The following SCAPER variants were observed in gnomAD, a reference collection of about 807,000 sequenced individuals.
SCAPER encodes S-phase cyclin A associated protein in the ER.
SCAPER carries 98 observed loss-of-function variants against 182.2 expected under a neutral mutation model. That is an observed-to-expected ratio of 0.54 (90% CI 0.46 to 0.64). The LOEUF is 0.64. Ranked by LOEUF, SCAPER falls within the 30% of genes least tolerant of loss-of-function variation. The probability of loss-of-function intolerance (pLI) is 0.00; values close to 1 mark genes in which losing one functional copy is unlikely to be tolerated. For missense variants in SCAPER, 1,432 were observed against 1,690.0 expected (o/e 0.85, Z 2.68); for synonymous variants, 605 against 564.6 (o/e 1.07, Z -1.01).
chr15:76,635,186 G>A (rs1397937658), intron 21 of SCAPER, among the ~76,000 whole-genome samples: 1 of 152,028 alleles, frequency 6.6e-6, no homozygotes, highest in Admixed American at 6.6e-5. Context: ...AAGTCTATAG[G>A]CCAGAACCTA....
chr15:76,647,568 T>C (rs570216028), intron 21 of SCAPER, among the ~76,000 whole-genome samples: 1 of 152,144 alleles, frequency 6.6e-6, no homozygotes, highest in Non-Finnish European at 1.5e-5. Context: ...TAAGAAAAAG[T>C]TGGAATTTGT....
At chr15:76,359,144 C>T (rs2041215050) in intron 29 of SCAPER, among the ~76,000 whole-genome samples, 1 of 152,232 alleles carries the variant, frequency 6.6e-6, no homozygotes, top group South Asian at 2.1e-4. Context: ...TCTTCTCCCG[C>T]TAGACCTGAA....
At chr15:76,682,943 T>C (rs1187031778) in intron 20 of SCAPER, among the ~76,000 whole-genome samples, 1 of 152,118 alleles carries the variant, frequency 6.6e-6, no homozygotes. Context: ...TGAAGGAACA[T>C]CAGCCCACAT....
intron 21 of SCAPER, among the ~76,000 whole-genome samples, chr15:76,652,273 A>AAAAAAT (rs1207156993): frequency 4.7e-4 from 6 of 12,862 alleles, no homozygotes; most frequent in Admixed American, 1.5e-3. Context: ...AAAAAAAAAA[A>AAAAAAT]ATATATATAT....
rs1189321166 is a variant in SCAPER at position 76,416,315 on chromosome 15, A to AAT, written c.3312-11637_3312-11636insAT. ...TATGGTGAAACCCTGCCTCTACTAA[A>AAT]AGAAAAAAAAAAAAAGTACAAAAAT... On this transcript the variant is annotated intron_variant, in intron 26 of 31. Transcript: ENST00000563290. 1.3e-3 allele frequency among the ~76,000 whole-genome samples: 21 copies of AAT among 15,714 alleles called. 1 individual carries two copies. In the East Asian group the frequency reaches 0.045, roughly 34 times the overall value. The allele number at this position is 15,714 out of a possible 152,430, so 10.3% of individuals were successfully genotyped here. A position where few individuals can be genotyped will look rare whatever the true frequency, so the allele number is the denominator to read the frequency against.
At chr15:76,875,656 T>C (rs566984266) in intron 2 of SCAPER, among the ~76,000 whole-genome samples, 101 of 152,314 alleles carry the variant, frequency 6.6e-4, no homozygotes, top group African/African-American at 2.2e-3. Flanking sequence ...CCGCAGACCG[T>C]TGCCCTGAGT....
chr15:76,535,322 G>A (rs1355942386), intron 23 of SCAPER, among the ~76,000 whole-genome samples: 3 of 151,812 alleles, frequency 2.0e-5, no homozygotes, highest in Non-Finnish European at 4.4e-5. Context: ...AGGAGATCGA[G>A]ACCATCCTGG....
intron 25 of SCAPER, among the ~76,000 whole-genome samples, chr15:76,443,186 A>G (rs1024605592): frequency 7.9e-5 from 12 of 152,204 alleles, no homozygotes; most frequent in Non-Finnish European, 1.6e-4. Context: ...CCTTAATATA[A>G]GAGGTCTTCA....
chr15:76,749,810 A>G (rs2061989920), intron 15 of SCAPER, among the ~76,000 whole-genome samples: 1 of 152,186 alleles, frequency 6.6e-6, no homozygotes, highest in African/African-American at 2.4e-5. Flanking sequence ...AAATTAATCC[A>G]TAAATTCAAT....
intron 29 of SCAPER, among the ~76,000 whole-genome samples, chr15:76,362,048 C>G (rs2041455714): frequency 6.6e-6 from 1 of 151,612 alleles, no homozygotes; most frequent in African/African-American, 2.4e-5. Flanking sequence ...TCTCTGCTCA[C>G]TGCAACATCC....
intron 15 of SCAPER, among the ~76,000 whole-genome samples, chr15:76,751,554 G>A (rs184865898): frequency 2.6e-4 from 40 of 151,772 alleles, no homozygotes; most frequent in Admixed American, 3.9e-4. Context: ...AATAGAACAC[G>A]GGGCTAAGAA....
intron 5 of SCAPER, among the ~76,000 whole-genome samples, chr15:76,806,174 CT>C (rs1402531571): frequency 1.3e-5 from 2 of 152,146 alleles, no homozygotes; most frequent in Non-Finnish European, 2.9e-5. Context: ...ATACTTTCAG[CT>C]CTTACATTTA....
At position 76,838,221 on chromosome 15, in the gene SCAPER, T is replaced by C. The variant is rs146600141; in HGVS notation, c.393+3513A>G. On this transcript the variant is annotated intron_variant, in intron 5 of 31. Coordinates refer to ENST00000563290, the MANE Select transcript of SCAPER (RefSeq NM_020843.4). ...TACACCATGGAATACTATGCAGACA[T>C]AGGAAAAAACAAGATCATGTGCTTT... is the stretch of plus-strand genomic sequence containing the variant. Among the ~76,000 whole-genome samples the C allele has an allele frequency of 3.4e-4, 51 of 152,162 alleles. 1 individual carries two copies. The East Asian group carries it at 9.7e-3, about 29-fold the overall frequency.
chr15:76,735,063 T>C (rs1203169101), intron 15 of SCAPER, among the ~76,000 whole-genome samples: 1 of 152,024 alleles, frequency 6.6e-6, no homozygotes, highest in Non-Finnish European at 1.5e-5. Flanking sequence ...AACTCAACCT[T>C]GGCAGGGTGC....
chr15:76,400,229 T>C (rs957398244), intron 27 of SCAPER, among the ~76,000 whole-genome samples: 4 of 152,160 alleles, frequency 2.6e-5, no homozygotes, highest in African/African-American at 9.7e-5. Context: ...TTTGAAGCCC[T>C]CTCTAGCTCC....
At chr15:76,864,627 A>G (rs2072129863) in intron 2 of SCAPER, among the ~76,000 whole-genome samples, 1 of 152,188 alleles carries the variant, frequency 6.6e-6, no homozygotes, top group African/African-American at 2.4e-5. Context: ...GGGAAAGAAA[A>G]AAAAGTCACT....
chr15:76,835,693 G>C (rs774879088), intron 5 of SCAPER, among the ~76,000 whole-genome samples: 1 of 152,104 alleles, frequency 6.6e-6, no homozygotes, highest in Non-Finnish European at 1.5e-5. Context: ...ATCCTAGCCA[G>C]AACAATCAGG....
At position 76,504,433 on chromosome 15, in the gene SCAPER, G is replaced by A. The variant is rs73444275; in HGVS notation, c.2954+426C>T. Among the ~76,000 whole-genome samples, 661 of 152,228 alleles carry A rather than the reference G, an allele frequency of 4.3e-3. 7 individuals are homozygous for A. The highest frequency in any genetic ancestry group is 0.015 in the African/African-American group (628 of 41,520). ...GGGATGCTAGACTATGGCACTCTTC[G>A]CCTCTGACTGCTCTTCCTGTATGGT... On this transcript the variant is annotated intron_variant, in intron 24 of 31. Coordinates refer to ENST00000563290, the MANE Select transcript of SCAPER (RefSeq NM_020843.4).
chr15:76,654,150 C>G (rs1177266071), intron 21 of SCAPER, among the ~76,000 whole-genome samples: 1 of 151,872 alleles, frequency 6.6e-6, no homozygotes, highest in African/African-American at 2.4e-5. Flanking sequence ...CCACAATGAG[C>G]CCAGCACTTT....
Sources: allele counts gnomAD v4.1 joint callset (sites outside exome capture counted in the v4.1 genomes callset), GRCh38; gene constraint gnomAD v4.1.1; transcripts MANE v1.5; gene names NCBI Gene and HGNC (gene_info 2026-07-23, HGNC 2026-07-21).